The following RASGEF1B variants were observed in gnomAD, a reference collection of about 807,000 sequenced individuals.
RASGEF1B encodes the protein RasGEF domain family member 1B, also known as ras-GEF domain-containing family member 1B.
In RASGEF1B, 30 loss-of-function variants were observed where a neutral mutation model predicts 65.7. The observed-to-expected ratio is 0.46, with a 90% CI of 0.34 to 0.62. The LOEUF (loss-of-function observed/expected upper bound fraction) is 0.62, where lower values mean the gene tolerates loss of function less well. Ranked by LOEUF, RASGEF1B falls within the 20% of genes least tolerant of loss-of-function variation. The probability of loss-of-function intolerance (pLI) is 0.01; values close to 1 mark genes in which losing one functional copy is unlikely to be tolerated. For synonymous variants in RASGEF1B, 175 were observed against 194.8 expected, an observed-to-expected ratio of 0.90 and a Z score of 0.85; for missense variants, 495 against 580.1, an observed-to-expected ratio of 0.85 and a Z score of 1.51.
At chr4:81,459,558 CA>C in intron 1 of RASGEF1B, 44 bp from the exon 2 acceptor site, 1 of 1,416,088 alleles carries the variant, frequency 7.1e-7, no homozygotes, top group Non-Finnish European at 9.5e-7. Context: ...CAGCAATATG[CA>C]GTATGAAAAT....
At chr4:81,459,655 C>T in intron 1 of RASGEF1B, 141 bp from the exon 2 acceptor site, 1 of 657,658 alleles carries the variant, frequency 1.5e-6, no homozygotes, top group Non-Finnish European at 2.4e-6. Context: ...GACACAGAAT[C>T]AGAGCCCATC....
intron 1 of RASGEF1B, among the ~76,000 whole-genome samples, chr4:81,459,826 G>C (rs990772528): frequency 2.0e-5 from 3 of 152,154 alleles, no homozygotes; most frequent in Non-Finnish European, 2.9e-5. Context: ...ACATCAGATT[G>C]TGAAAGGGGC....
chr4:81,462,348 C>A (rs1051075123), intron 1 of RASGEF1B, among the ~76,000 whole-genome samples: 1 of 152,154 alleles, frequency 6.6e-6, no homozygotes, highest in African/African-American at 2.4e-5. Context: ...CTCCCTCCAA[C>A]AAGGCACTAA....
chr4:81,435,236 C>A (rs1177688923), intron 10 of RASGEF1B, among the ~76,000 whole-genome samples: 28 of 151,534 alleles, frequency 1.8e-4, no homozygotes, highest in Admixed American at 4.6e-4. Flanking sequence ...AAGGTGAAAC[C>A]CCGTCTCTAC....
intron 10 of RASGEF1B, 112 bp from the exon 11 acceptor site, chr4:81,434,846 A>C (rs1461953900): frequency 1.2e-5 from 8 of 658,730 alleles, no homozygotes; most frequent in Non-Finnish European, 1.9e-5. Flanking sequence ...AAAGGCCACA[A>C]AGAATTAAGG....
At chr4:81,431,315 C>T (rs1721421458) in intron 13 of RASGEF1B, among the ~76,000 whole-genome samples, 1 of 150,960 alleles carries the variant, frequency 6.6e-6, no homozygotes, top group Non-Finnish European at 1.5e-5. Context: ...TAGGCATCAG[C>T]CCAACAAGCC....
intron 4 of RASGEF1B, chr4:81,456,268 GT>G: frequency 1.8e-6 from 1 of 544,018 alleles, no homozygotes; most frequent in Non-Finnish European, 3.2e-6. Flanking sequence ...ATAGAATAAT[GT>G]TATTTACTTT....
intron 1 of RASGEF1B, among the ~76,000 whole-genome samples, chr4:81,467,736 G>A (rs1198662547): frequency 6.6e-6 from 1 of 152,162 alleles, no homozygotes; most frequent in South Asian, 2.1e-4. Flanking sequence ...AGCTCATACT[G>A]TACAGGTGAA....
At chr4:81,462,490 A>G (rs937207597) in intron 1 of RASGEF1B, among the ~76,000 whole-genome samples, 1 of 152,244 alleles carries the variant, frequency 6.6e-6, no homozygotes, top group Admixed American at 6.5e-5. Flanking sequence ...TAACAAGCCC[A>G]AAGTTATGCT....
intron 1 of RASGEF1B, among the ~76,000 whole-genome samples, chr4:81,469,676 T>A (rs1471548183): frequency 6.8e-6 from 1 of 146,884 alleles, no homozygotes; most frequent in African/African-American, 2.7e-5. Context: ...CACACACATA[T>A]AAATAATCTA....
intron 1 of RASGEF1B, among the ~76,000 whole-genome samples, chr4:81,461,672 G>C (rs1022575719): frequency 8.5e-5 from 13 of 152,136 alleles, no homozygotes; most frequent in African/African-American, 2.4e-4. Flanking sequence ...TGGTCTAAAG[G>C]CCTGAGGATG....
At chr4:81,437,909 G>A (rs1411957604) in intron 10 of RASGEF1B, among the ~76,000 whole-genome samples, 2 of 152,178 alleles carry the variant, frequency 1.3e-5, no homozygotes, top group Non-Finnish European at 1.5e-5. Context: ...CTAAGTGAAT[G>A]TACACATTAT....
chr4:81,444,863 C>A (rs992392631), intron 8 of RASGEF1B, among the ~76,000 whole-genome samples: 1 of 152,106 alleles, frequency 6.6e-6, no homozygotes, highest in Non-Finnish European at 1.5e-5. Context: ...TTATTGAGCA[C>A]CTACAAATTT....
chr4:81,437,246 A>G (rs982031627), intron 10 of RASGEF1B, among the ~76,000 whole-genome samples: 2 of 152,178 alleles, frequency 1.3e-5, no homozygotes, highest in Non-Finnish European at 2.9e-5. Context: ...CTAAAAAATA[A>G]AAAAATAATA....
chr4:81,447,987 T>C, intron 5 of RASGEF1B, 82 bp downstream of exon 5: 1 of 1,150,274 alleles, frequency 8.7e-7, no homozygotes, highest in Non-Finnish European at 1.3e-6. Flanking sequence ...TCCTGTGACA[T>C]TACCGCTGAC....
At chr4:81,442,627 G>T (rs1489113717) in intron 8 of RASGEF1B, among the ~76,000 whole-genome samples, 1 of 152,168 alleles carries the variant, frequency 6.6e-6, no homozygotes, top group Non-Finnish European at 1.5e-5. Flanking sequence ...AAGCATTTTA[G>T]GCTTTCAGCC....
chr4:81,465,391 A>C (rs1164950967), intron 1 of RASGEF1B, among the ~76,000 whole-genome samples: 1 of 152,264 alleles, frequency 6.6e-6, no homozygotes. Flanking sequence ...ACAGGAAGTT[A>C]AGATATACCC....
Position 81,459,351 on chromosome 4 carries a change from T to G in RASGEF1B, c.158A>C (p.Asn53Thr), listed in dbSNP as rs760791746. Residue 53 changes from asparagine (N) to threonine (T), a missense_variant, in exon 2 of 14, where the codon AAT becomes ACT. Transcript: ENST00000264400. ...ACCTACATCTGGATAGTAATCCACA[T>G]TAGGTACTAAGTGCTGGATGAGTGC... ...LEALIQHLVP[N>T]VDYYPDRTYI... 3.1e-6 allele frequency: 5 copies of G among 1,598,298 alleles called. No individual in the cohort carries two copies. Among genetic ancestry groups the G allele is most frequent in the Non-Finnish European group, 4.3e-6 (5 of 1,175,572 alleles).
chr4:81,471,086 C>T (rs1723003896), intron 1 of RASGEF1B: 1 of 152,204 alleles, frequency 6.6e-6, no homozygotes, highest in Non-Finnish European at 1.5e-5. Context: ...CTGGCAAAAG[C>T]AAGGCGACTC....
Sources: allele counts gnomAD v4.1 joint callset (sites outside exome capture counted in the v4.1 genomes callset), GRCh38; gene constraint gnomAD v4.1.1; transcripts MANE v1.5; gene names NCBI Gene and HGNC (gene_info 2026-07-23, HGNC 2026-07-21).